CDH20: variants seen among roughly 807,000 people sequenced by gnomAD.
CDH20 encodes the protein cadherin-20.
In CDH20, 29 loss-of-function variants were observed where a neutral mutation model predicts 74.2. That is an observed-to-expected ratio of 0.39 (90% CI 0.29 to 0.53). The LOEUF (loss-of-function observed/expected upper bound fraction) is 0.53, where lower values mean the gene tolerates loss of function less well. CDH20 is among the 20% of genes least tolerant of loss of function. CDH20 has a pLI of 0.69. For synonymous variants in CDH20, 469 were observed against 405.4 expected (o/e 1.16, Z -1.88); for missense variants, 988 against 1,048.3 (o/e 0.94, Z 0.79).
At position 61,554,375 on chromosome 18, in the gene CDH20, A is replaced by C; in HGVS notation, c.2086A>C (p.Lys696Gln). Residue 696 changes from lysine to glutamine, a missense_variant, in exon 12 of 12, where the codon AAG (lysine) becomes CAG (glutamine). By Grantham distance (53) the Lys-to-Gln change is moderately conservative. This residue lies in a region of CDH20 where 375 missense variants were observed against 293.1 expected (regional missense o/e 1.28). Transcript: ENST00000262717. ...PREAQAGAAP[K>Q]TRQDMLPEIE... Reference sequence around the variant, plus strand: ...GGAGGCGCAGGCGGGGGCCGCCCCCAAGACGCGGCAGGACATGCTGCCCGA... The same window carrying C: ...GGAGGCGCAGGCGGGGGCCGCCCCCCAGACGCGGCAGGACATGCTGCCCGA... The C allele has an allele frequency of 6.2e-7, 1 of 1,612,846 alleles. No individual in the cohort carries two copies. The highest frequency in any genetic ancestry group is 8.5e-7 in the Non-Finnish European group (1 of 1,179,674).
chr18:61,412,928 T>C lies in CDH20; in HGVS notation c.-152-77474T>C, dbSNP rs1599067872. Among the ~76,000 whole-genome samples, 5 of 152,176 alleles carry C rather than the reference T, an allele frequency of 3.3e-5. No individual in the cohort carries two copies. In the East Asian group the frequency reaches 9.6e-4, roughly 29 times the overall value. On this transcript the variant is annotated intron_variant, in intron 1 of 11. Transcript: ENST00000262717. ...GGGTAGGAAAGAGGTTACAAGGTAG[T>C]TTAATTTATACTTTATGTTTGTATT...
At chr18:61,523,507 G>A (rs1456069716) in intron 6 of CDH20, among the ~76,000 whole-genome samples, 1 of 152,174 alleles carries the variant, frequency 6.6e-6, no homozygotes, top group Non-Finnish European at 1.5e-5. Context: ...GGAAGACAAT[G>A]TGGTGATTCC....
At chr18:61,467,035 T>C (rs150177296) in intron 1 of CDH20, among the ~76,000 whole-genome samples, 42 of 152,230 alleles carry the variant, frequency 2.8e-4, no homozygotes, top group Non-Finnish European at 5.1e-4. Context: ...AAGTTCTTTG[T>C]TACAAACAAG....
intron 1 of CDH20, among the ~76,000 whole-genome samples, chr18:61,378,425 C>T (rs1911319682): frequency 6.6e-6 from 1 of 152,178 alleles, no homozygotes; most frequent in Non-Finnish European, 1.5e-5. Flanking sequence ...AATGAGCAAA[C>T]TTCCCCCTTA....
intron 1 of CDH20, among the ~76,000 whole-genome samples, chr18:61,463,305 T>C (rs1488438333): frequency 2.0e-5 from 3 of 152,196 alleles, no homozygotes; most frequent in Non-Finnish European, 4.4e-5. Flanking sequence ...CAATGGCTGA[T>C]AGACTCTCAA....
chr18:61,441,715 A>G (rs1330622268), intron 1 of CDH20, among the ~76,000 whole-genome samples: 1 of 152,134 alleles, frequency 6.6e-6, no homozygotes, highest in East Asian at 1.9e-4. Flanking sequence ...CAACATTTTT[A>G]TATTGTTTAT....
chr18:61,356,724 A>G (rs921321484), intron 1 of CDH20, among the ~76,000 whole-genome samples: 2 of 152,210 alleles, frequency 1.3e-5, no homozygotes, highest in African/African-American at 4.8e-5. Flanking sequence ...AGCTCTGGCT[A>G]ATGTTTTAAT....
chr18:61,376,818 G>A (rs1911250439), intron 1 of CDH20, among the ~76,000 whole-genome samples: 1 of 152,062 alleles, frequency 6.6e-6, no homozygotes, highest in South Asian at 2.1e-4. Flanking sequence ...CTTTCACAAG[G>A]TCAGGAATCA....
chr18:61,496,610 C>T (rs1911172128), intron 2 of CDH20, among the ~76,000 whole-genome samples: 1 of 152,164 alleles, frequency 6.6e-6, no homozygotes, highest in African/African-American at 2.4e-5. Context: ...GCCGCTGTCG[C>T]TGTCGTTTCT....
chr18:61,414,476 A>G (rs1912620712), intron 1 of CDH20, among the ~76,000 whole-genome samples: 1 of 152,188 alleles, frequency 6.6e-6, no homozygotes, highest in Non-Finnish European at 1.5e-5. Context: ...TTTTTTATAG[A>G]TATTAATTGA....
chr18:61,414,194 A>G (rs1912609630), intron 1 of CDH20, among the ~76,000 whole-genome samples: 1 of 152,118 alleles, frequency 6.6e-6, no homozygotes, highest in Non-Finnish European at 1.5e-5. Context: ...ATGAAATAAA[A>G]CCAGTGGGAA....
intron 1 of CDH20, among the ~76,000 whole-genome samples, chr18:61,463,460 A>G (rs1313355070): frequency 6.6e-6 from 1 of 152,174 alleles, no homozygotes; most frequent in East Asian, 1.9e-4. Flanking sequence ...AGAATTCCCT[A>G]ATCCCAAAAG....
chr18:61,355,411 C>T (rs376010380), intron 1 of CDH20, among the ~76,000 whole-genome samples: 7 of 152,310 alleles, frequency 4.6e-5, no homozygotes, highest in African/African-American at 1.7e-4. Flanking sequence ...AGAATATCTG[C>T]CTGTACATGA....
At chr18:61,392,223 T>C (rs1911810266) in intron 1 of CDH20, among the ~76,000 whole-genome samples, 1 of 143,522 alleles carries the variant, frequency 7.0e-6, no homozygotes, top group Non-Finnish European at 1.5e-5. Context: ...ACTTGTTCTC[T>C]GTGTGGAACC....
intron 1 of CDH20, among the ~76,000 whole-genome samples, chr18:61,432,497 G>A (rs1913291450): frequency 6.6e-6 from 1 of 152,124 alleles, no homozygotes; most frequent in Non-Finnish European, 1.5e-5. Flanking sequence ...ACTCTTTGGA[G>A]GAGATACGAC....
At chr18:61,530,641 TA>T (rs1912605437) in intron 7 of CDH20, among the ~76,000 whole-genome samples, 2 of 152,190 alleles carry the variant, frequency 1.3e-5, no homozygotes, top group African/African-American at 4.8e-5. Flanking sequence ...GGTCCTCACT[TA>T]TTTATAATCC....
At chr18:61,540,170 T>C (rs1427437689) in intron 9 of CDH20, among the ~76,000 whole-genome samples, 1 of 152,130 alleles carries the variant, frequency 6.6e-6, no homozygotes, top group South Asian at 2.1e-4. Flanking sequence ...GATCCCCTAA[T>C]AGTCCTCATC....
chr18:61,487,507 A>G (rs7241405), intron 1 of CDH20, among the ~76,000 whole-genome samples: 2,705 of 152,328 alleles, frequency 0.018, 80 homozygotes, highest in African/African-American at 0.059. Context: ...ATCAAGTTAT[A>G]TAAGACAGAA....
chr18:61,544,508 T>C (rs1043579417), intron 9 of CDH20, among the ~76,000 whole-genome samples: 2 of 152,158 alleles, frequency 1.3e-5, no homozygotes, highest in Non-Finnish European at 2.9e-5. Flanking sequence ...CTTAGTTAAA[T>C]GGATGGGAAG....
Sources: allele counts gnomAD v4.1 joint callset (sites outside exome capture counted in the v4.1 genomes callset), GRCh38; gene constraint gnomAD v4.1.1; regional missense constraint gnomAD v4.1.1; transcripts MANE v1.5; gene names NCBI Gene and HGNC (gene_info 2026-07-23, HGNC 2026-07-21).